SSX2IP: variants seen among roughly 807,000 people sequenced by gnomAD.
SSX2IP encodes SSX family member 2 interacting protein.
SSX2IP carries 55 observed loss-of-function variants against 84.9 expected under a neutral mutation model. The observed-to-expected ratio is 0.65, with a 90% CI of 0.52 to 0.81. SSX2IP has a LOEUF of 0.81. SSX2IP is among the 30% of genes least tolerant of loss of function. The probability of loss-of-function intolerance (pLI) is 0.00; values close to 1 mark genes in which losing one functional copy is unlikely to be tolerated. For missense variants in SSX2IP, 664 were observed against 705.2 expected (o/e 0.94, Z 0.66); for synonymous variants, 239 against 234.7 (o/e 1.02, Z -0.17).
chr1:84,680,777 G>T (rs545979216), intron 1 of SSX2IP, among the ~76,000 whole-genome samples: 1 of 152,174 alleles, frequency 6.6e-6, no homozygotes, highest in African/African-American at 2.4e-5. Flanking sequence ...AAAGGCAAGG[G>T]CAGGACTTTC....
intron 12 of SSX2IP, 75 bp downstream of exon 12, chr1:84,651,808 T>C (rs1650294001): frequency 5.9e-6 from 5 of 843,836 alleles, no homozygotes; most frequent in Non-Finnish European, 9.2e-6. Flanking sequence ...GTATTAATAA[T>C]ATGTAGTATT....
Position 84,650,184 on chromosome 1 carries a change from C to G in SSX2IP, c.1670+178G>C, listed in dbSNP as rs996320091. 43 of 653,520 alleles carry G rather than the reference C, an allele frequency of 6.6e-5. No individual in the cohort carries two copies. The Middle Eastern group carries it at 1.6e-3, about 24-fold the overall frequency. 40.5% of individuals were successfully genotyped at this position (653,520 alleles called of 1,614,324 possible). A position where few individuals can be genotyped will look rare whatever the true frequency, so the allele number is the denominator to read the frequency against. ...CTGTTCACTAGTGTATTTCCAGCAT[C>G]TAGCACAGTGTCTATATATACTGGA... On this transcript the variant is annotated intron_variant, in intron 13 of 13. Transcript: ENST00000342203.
chr1:84,650,617 G>T, intron 12 of SSX2IP, 90 bp from the exon 13 acceptor site: 1 of 1,371,254 alleles, frequency 7.3e-7, no homozygotes, highest in Non-Finnish European at 1.0e-6. Context: ...TTCATCTGCG[G>T]TTCTGAGTGA....
chr1:84,669,821 T>TA lies in SSX2IP; in HGVS notation c.285dup (p.Ile96TyrfsTer10). On this transcript the variant is annotated frameshift_variant, in exon 4 of 14. Transcript: ENST00000342203. LOFTEE classifies it high-confidence loss of function. The stretch of plus-strand genomic sequence containing the variant: ...TTCATACAATTTAGTACAGCTACTA[T>TA]ATTTAACTCTCTCTTTGTCTCTTTA... 6.2e-7 allele frequency: 1 copy of TA among 1,613,562 alleles called. No individual in the cohort carries two copies. The highest frequency in any genetic ancestry group is 1.3e-5 in the African/African-American group (1 of 75,042).
chr1:84,664,354 A>G, intron 6 of SSX2IP, 63 bp downstream of exon 6: 1 of 1,388,044 alleles, frequency 7.2e-7, no homozygotes, highest in Non-Finnish European at 9.4e-7. Flanking sequence ...ATCCTTTTAC[A>G]ATTATTTCTA....
At chr1:84,659,324 T>C (rs1486929524) in intron 8 of SSX2IP, among the ~76,000 whole-genome samples, 3 of 152,110 alleles carry the variant, frequency 2.0e-5, no homozygotes, top group Non-Finnish European at 2.9e-5. Flanking sequence ...AGGTCAGCAA[T>C]GGGCTAGCAG....
At chr1:84,653,567 T>C (rs1429914657) in intron 11 of SSX2IP, among the ~76,000 whole-genome samples, 1 of 152,150 alleles carries the variant, frequency 6.6e-6, no homozygotes. Flanking sequence ...GTAATTACTC[T>C]CTTGGAGTAA....
chr1:84,659,370 T>C (rs931053241), intron 8 of SSX2IP, among the ~76,000 whole-genome samples: 5 of 152,064 alleles, frequency 3.3e-5, no homozygotes, highest in South Asian at 2.1e-4. Context: ...GACAGGGGAA[T>C]GGCCCAGGAT....
chr1:84,666,022 G>T, intron 5 of SSX2IP, 100 bp downstream of exon 5: 1 of 845,476 alleles, frequency 1.2e-6, no homozygotes, highest in Non-Finnish European at 1.9e-6. Flanking sequence ...TGAATAAATG[G>T]TTCTTTCTTT....
At chr1:84,676,232 A>G (rs779101746) in intron 1 of SSX2IP, among the ~76,000 whole-genome samples, 18 of 152,248 alleles carry the variant, frequency 1.2e-4, no homozygotes, top group Non-Finnish European at 2.2e-4. Flanking sequence ...CATCAAAGCA[A>G]AAGTATAAAG....
chr1:84,670,604 A>G, intron 3 of SSX2IP, 42 bp downstream of exon 3: 2 of 1,392,102 alleles, frequency 1.4e-6, no homozygotes, highest in Non-Finnish European at 2.0e-6. Flanking sequence ...ATTCTATTAT[A>G]TAACATGATT....
At chr1:84,652,799 G>T (rs896756342) in intron 11 of SSX2IP, among the ~76,000 whole-genome samples, 1 of 152,068 alleles carries the variant, frequency 6.6e-6, no homozygotes, top group African/African-American at 2.4e-5. Context: ...GCCAAGGCGG[G>T]TGGATCACGA....
In SSX2IP at chr1:84,669,712, T is replaced by C; in HGVS notation, c.395A>G (p.Asp132Gly). Reference protein sequence around the residue: ...TQNLKLGSDMDHLQSCYSKLK... With the variant: ...TQNLKLGSDMGHLQSCYSKLK... ...TTTTGAGTAGCAGCTCTGTAGATGG[T>C]CCATATCACTTCCCAGCTTCAAATT... Residue 132 changes from aspartate to glycine, a missense_variant, in exon 4 of 14, where the codon GAC becomes GGC. Asp to Gly is a moderately conservative substitution (Grantham distance 94). Coordinates refer to ENST00000342203, the MANE Select transcript of SSX2IP (RefSeq NM_001166293.2). 3.1e-6 allele frequency: 5 copies of C among 1,613,744 alleles called. No individual in the cohort carries two copies. Among genetic ancestry groups the C allele is most frequent in the Non-Finnish European group, 4.2e-6 (5 of 1,179,736 alleles).
At chr1:84,653,011 A>G (rs1277271187) in intron 11 of SSX2IP, among the ~76,000 whole-genome samples, 3 of 152,170 alleles carry the variant, frequency 2.0e-5, no homozygotes, top group Admixed American at 1.3e-4. Flanking sequence ...TAGCCTGGGC[A>G]ACAGAGTGAG....
chr1:84,651,521 A>G (rs1382246864), intron 12 of SSX2IP, among the ~76,000 whole-genome samples: 3 of 152,070 alleles, frequency 2.0e-5, no homozygotes, highest in African/African-American at 7.2e-5. Context: ...TGAGGTCAGG[A>G]GTTCAAGAAC....
At chr1:84,660,754 A>G (rs965582457) in intron 8 of SSX2IP, among the ~76,000 whole-genome samples, 4 of 151,748 alleles carry the variant, frequency 2.6e-5, no homozygotes, top group African/African-American at 7.3e-5. Context: ...AACAAGAGCA[A>G]AACTCTCTCT....
Position 84,669,766 on chromosome 1 carries a change from A to T in SSX2IP, c.341T>A (p.Leu114His). The change falls in exon 4 of 14, where the codon CTT (leucine) becomes CAT (histidine). Residue 114 changes from leucine (L) to histidine (H), a missense_variant. By Grantham distance (99) the Leu-to-His change is moderately conservative (BLOSUM62 -3). Coordinates refer to ENST00000342203, the MANE Select transcript of SSX2IP (RefSeq NM_001166293.2). The part of the protein sequence containing the change: ...NELLVLQRKN[L>H]LAQENVETQN... Reference sequence around the variant, plus strand: ...TGTCTCCACATTTTCCTGAGCTAGAAGGTTCTTCCGCTGAAGCACAAGCAG... The same window carrying T: ...TGTCTCCACATTTTCCTGAGCTAGATGGTTCTTCCGCTGAAGCACAAGCAG... 6.2e-7 allele frequency: 1 copy of T among 1,613,856 alleles called. No homozygotes were observed. Among genetic ancestry groups the T allele is most frequent in the South Asian group, 1.1e-5 (1 of 91,078 alleles).
chr1:84,671,507 C>T (rs181762592), intron 1 of SSX2IP, among the ~76,000 whole-genome samples, 199 bp from the exon 2 acceptor site: 1 of 152,190 alleles, frequency 6.6e-6, no homozygotes, highest in East Asian at 1.9e-4. Context: ...TTAAAGGCTT[C>T]CCAAGTTCTA....
chr1:84,684,432 A>ATG (rs1182072106), intron 1 of SSX2IP, among the ~76,000 whole-genome samples: 1 of 152,274 alleles, frequency 6.6e-6, no homozygotes, highest in Non-Finnish European at 1.5e-5. Flanking sequence ...TCCAAGAATG[A>ATG]TGTAAAAGTG....
Sources: allele counts gnomAD v4.1 joint callset (sites outside exome capture counted in the v4.1 genomes callset), GRCh38; gene constraint gnomAD v4.1.1; transcripts MANE v1.5; gene names NCBI Gene and HGNC (gene_info 2026-07-23, HGNC 2026-07-21).